Variants in ORC3 observed in about 807,000 individuals in gnomAD.
ORC3 encodes origin recognition complex subunit 3, also known as homolog of latheo, Drosophila.
Under a neutral mutation model 100.7 loss-of-function variants are expected in ORC3, and 78 were observed. That is an observed-to-expected ratio of 0.77 (90% CI 0.65 to 0.94). The LOEUF (loss-of-function observed/expected upper bound fraction) is 0.94, where lower values mean the gene tolerates loss of function less well. Ranked by LOEUF, ORC3 falls within the 40% of genes least tolerant of loss-of-function variation. The pLI, the probability that ORC3 is intolerant of heterozygous loss-of-function variation, is 0.00. For missense variants in ORC3, 789 were observed against 823.9 expected, an observed-to-expected ratio of 0.96 and a Z score of 0.52; for synonymous variants, 295 against 289.3, an observed-to-expected ratio of 1.02 and a Z score of -0.20.
chr6:87,658,008 T>C lies in ORC3; in HGVS notation c.1681T>C (p.Cys561Arg), dbSNP rs1344809218. The C allele has an allele frequency of 3.8e-6, 6 of 1,584,318 alleles. No individual in the cohort carries two copies. The highest frequency in any genetic ancestry group is 5.2e-6 in the Non-Finnish European group (6 of 1,153,608). ...AGAAAATGTTGTGAACTTCATTGAC[T>C]GTCTAGTGAGGTAAGTCTAAATTTA... ...LRENVVNFID[C>R]LVREYLLPPE... Residue 561 changes from cysteine to arginine, a missense_variant, in exon 16 of 20, where the codon TGT (cysteine) becomes CGT (arginine). By Grantham distance (180) the Cys-to-Arg change is radical. Transcript: ENST00000392844.
intron 9 of ORC3, among the ~76,000 whole-genome samples, chr6:87,619,826 C>T (rs1779410402): frequency 6.6e-6 from 1 of 152,080 alleles, no homozygotes; most frequent in Admixed American, 6.5e-5. Flanking sequence ...GACCTCATTT[C>T]CCCAGTTTTC....
At chr6:87,611,504 G>A (rs905539319) in intron 7 of ORC3, among the ~76,000 whole-genome samples, 11 of 151,868 alleles carry the variant, frequency 7.2e-5, no homozygotes, top group Admixed American at 4.6e-4. Flanking sequence ...TATAATCTTC[G>A]GCCCGGGCAT....
At chr6:87,667,476 C>T (rs146626370), downstream of ORC3, 139 of 173,946 alleles carry the variant, frequency 8.0e-4, no homozygotes, top group Non-Finnish European at 1.4e-3. Context: ...TTTAGCAATC[C>T]TCATTCCTCC....
chr6:87,607,207 G>C (rs1778405247), intron 5 of ORC3, among the ~76,000 whole-genome samples: 1 of 152,106 alleles, frequency 6.6e-6, no homozygotes, highest in African/African-American at 2.4e-5. Context: ...GAGGCAGGCA[G>C]ATCATGAGGT....
Position 87,653,249 on chromosome 6 carries a change from G to A in ORC3, c.1516G>A (p.Glu506Lys), listed in dbSNP as rs1433408780. ...CCTGGCCCAGTTTCAGAGCCTCGATGGTAAGAGTGTAATATCCTTCCAATT... is the reference window on the plus strand; with the variant it reads ...CCTGGCCCAGTTTCAGAGCCTCGATAGTAAGAGTGTAATATCCTTCCAATT... ...EFLAQFQSLD[E>K]TKEEEDASGS... The change falls in exon 14 of 20, where the codon GAA (glutamate) becomes AAA (lysine). Residue 506 changes from glutamate to lysine, a missense_variant and splice_region_variant. Transcript: ENST00000392844. 2 of 1,612,938 alleles carry A rather than the reference G, an allele frequency of 1.2e-6. No individual in the cohort carries two copies. Among genetic ancestry groups the A allele is most frequent in the South Asian group, 1.1e-5 (1 of 90,982 alleles).
At chr6:87,643,503 C>T (rs1033084789) in intron 13 of ORC3, among the ~76,000 whole-genome samples, 2 of 152,026 alleles carry the variant, frequency 1.3e-5, no homozygotes, top group Non-Finnish European at 2.9e-5. Context: ...AGCTGAATGG[C>T]TGTAGGCAGT....
chr6:87,634,590 G>A (rs137866189), intron 11 of ORC3, among the ~76,000 whole-genome samples: 9 of 152,310 alleles, frequency 5.9e-5, no homozygotes, highest in Non-Finnish European at 1.0e-4. Context: ...AGTATTGTGG[G>A]AATGCTAGAG....
At position 87,603,508 on chromosome 6, in the gene ORC3, C is replaced by T; in HGVS notation, c.302C>T (p.Pro101Leu). 6.6e-7 allele frequency: 1 copy of T among 1,519,238 alleles called. No homozygotes were observed. The highest frequency in any genetic ancestry group is 9.0e-7 in the Non-Finnish European group (1 of 1,114,086). The allele number at this position is 1,519,238 out of a possible 1,614,324, so 94.1% of individuals were successfully genotyped here. A position where few individuals can be genotyped will look rare whatever the true frequency, so the allele number is the denominator to read the frequency against. Reference protein sequence around the residue: ...LGGQIKLREIPTAALVLGVNV... With the variant: ...LGGQIKLREILTAALVLGVNV... ...GGTCAAATAAAACTCAGAGAAATTC[C>T]AACTGCTGCTCTTGTTCTTGGTATA... The change falls in exon 4 of 20, where the codon CCA becomes CTA. Residue 101 changes from proline (P) to leucine (L), a missense_variant. Transcript: ENST00000392844.
intron 12 of ORC3, 61 bp downstream of exon 12, chr6:87,635,022 G>T (rs770315369): frequency 2.2e-6 from 2 of 898,012 alleles, no homozygotes; most frequent in South Asian, 1.3e-5. Context: ...TTCTTGCTTT[G>T]GTTTTTGTAG....
intron 13 of ORC3, among the ~76,000 whole-genome samples, chr6:87,650,499 C>T (rs1342043282): frequency 1.3e-5 from 2 of 152,008 alleles, no homozygotes; most frequent in African/African-American, 4.8e-5. Context: ...CAGAATGATG[C>T]TGAATAATAG....
rs143632999 is a variant in ORC3, at chr6:87,605,957, A to C, written c.363A>C (p.Leu121=). 1.0e-4 allele frequency: 169 copies of C among 1,610,234 alleles called. 1 individual carries two copies. Among genetic ancestry groups the C allele is most frequent in the Admixed American group, 6.8e-4 (41 of 59,980 alleles). Residue 121 remains leucine (L), a synonymous_variant, in exon 5 of 20, where the codon CTA becomes CTC. Transcript: ENST00000392844. ...VTDHDLTFGS[L]TEALQNNVTP... ...ATCATGATTTGACATTCGGAAGTCT[A>C]ACAGAGGCCCTTCAGAATAATGTCA...
intron 11 of ORC3, among the ~76,000 whole-genome samples, chr6:87,627,973 C>T (rs1005463551): frequency 3.9e-5 from 6 of 152,202 alleles, no homozygotes; most frequent in Admixed American, 6.5e-5. Context: ...AGAATCAAGA[C>T]GTTAACAAAA....
intron 2 of ORC3, among the ~76,000 whole-genome samples, chr6:87,596,021 T>C (rs1777406343): frequency 6.6e-6 from 1 of 151,736 alleles, no homozygotes; most frequent in Admixed American, 6.6e-5. Flanking sequence ...TAAAATTTTT[T>C]GTAGAGACAG....
chr6:87,617,833 G>A (rs1394067111), intron 9 of ORC3, among the ~76,000 whole-genome samples: 5 of 152,098 alleles, frequency 3.3e-5, no homozygotes, highest in African/African-American at 1.2e-4. Flanking sequence ...TTTGTGTAGT[G>A]CCTTGAAGAT....
the ORC3 span, among the ~76,000 whole-genome samples, chr6:87,674,654 T>TA: frequency 7.1e-6 from 1 of 141,054 alleles, no homozygotes; most frequent in Non-Finnish European, 1.5e-5. Flanking sequence ...TTTTTTTTTT[T>TA]TAGTAGAGAT....
chr6:87,607,461 G>A (rs1462975270), intron 5 of ORC3, among the ~76,000 whole-genome samples: 1 of 151,904 alleles, frequency 6.6e-6, no homozygotes, highest in Non-Finnish European at 1.5e-5. Flanking sequence ...ATATACATAA[G>A]CTTTGGTTTA....
intron 9 of ORC3, among the ~76,000 whole-genome samples, chr6:87,617,732 C>G (rs1365447148): frequency 6.6e-6 from 1 of 152,054 alleles, no homozygotes; most frequent in Non-Finnish European, 1.5e-5. Context: ...AGAGACCTGT[C>G]TCTATAAAAA....
At chr6:87,610,934 CTTTT>C (rs67349945) in intron 7 of ORC3, among the ~76,000 whole-genome samples, 1 of 106,786 alleles carries the variant, frequency 9.4e-6, no homozygotes, top group Non-Finnish European at 1.8e-5. Context: ...TAGGACTTTT[CTTTT>C]TTTTTTTTTT....
intron 13 of ORC3, among the ~76,000 whole-genome samples, chr6:87,652,448 A>G (rs35917348): frequency 0.032 from 4,811 of 152,312 alleles, 99 homozygotes; most frequent in Middle Eastern, 0.054. Context: ...GAGCTACTCA[A>G]CCACTCTGCC....
Sources: allele counts gnomAD v4.1 joint callset (sites outside exome capture counted in the v4.1 genomes callset), GRCh38; gene constraint gnomAD v4.1.1; transcripts MANE v1.5; gene names NCBI Gene and HGNC (gene_info 2026-07-23, HGNC 2026-07-21).